Variants in RAPGEF1 observed in about 807,000 individuals in gnomAD.
The protein encoded by RAPGEF1 is Rap guanine nucleotide exchange factor 1.
In RAPGEF1, 33 loss-of-function variants were observed where a neutral mutation model predicts 143.3. The ratio of observed to expected loss-of-function variants is 0.23; its 90% CI spans 0.17 to 0.31. RAPGEF1 has a LOEUF of 0.31. Among genes scored for constraint, RAPGEF1 ranks in the 10% least tolerant of loss-of-function variants. RAPGEF1 has a pLI of 1.00. For synonymous variants in RAPGEF1, 629 were observed against 676.5 expected, an observed-to-expected ratio of 0.93 and a Z score of 1.09; for missense variants, 1,199 against 1,645.4, an observed-to-expected ratio of 0.73 and a Z score of 4.69.
At chr9:131,709,919 C>T (rs1835386999) in intron 1 of RAPGEF1, 8 of 985,430 alleles carry the variant, frequency 8.1e-6, no homozygotes, top group East Asian at 1.1e-4. Context: ...GGCTTGTTAT[C>T]GCCCTACCGG....
chr9:131,701,575 A>G (rs1045313323), intron 1 of RAPGEF1, among the ~76,000 whole-genome samples: 2 of 152,250 alleles, frequency 1.3e-5, no homozygotes, highest in Non-Finnish European at 2.9e-5. Flanking sequence ...TCATTGTTAC[A>G]TATATTATTG....
intron 12 of RAPGEF1, among the ~76,000 whole-genome samples, chr9:131,608,321 C>T (rs1202409676): frequency 5.3e-5 from 8 of 152,174 alleles, no homozygotes; most frequent in Non-Finnish European, 1.2e-4. Context: ...CAGTAGGGGC[C>T]TAATACATAT....
chr9:131,693,058 G>A (rs1298281807), intron 1 of RAPGEF1, among the ~76,000 whole-genome samples: 1 of 152,166 alleles, frequency 6.6e-6, no homozygotes, highest in Admixed American at 6.5e-5. Flanking sequence ...CACAACAGTA[G>A]TCTCCCTGGT....
In RAPGEF1 at chr9:131,692,398, T is replaced by C. The variant is rs77302366; in HGVS notation, c.62-41449A>G. Among the ~76,000 whole-genome samples, 508 of 152,372 alleles carry C rather than the reference T, an allele frequency of 3.3e-3. 6 individuals carry two copies. The highest frequency in any genetic ancestry group is 0.012 in the African/African-American group (498 of 41,576). ...GGCTGGAACGGATCCAGAATTCTTCTACTTTCCTATTTGGAAACATCTGGC... is the reference window on the plus strand; with the variant it reads ...GGCTGGAACGGATCCAGAATTCTTCCACTTTCCTATTTGGAAACATCTGGC... On this transcript the variant is annotated intron_variant, in intron 1 of 26. Coordinates refer to ENST00000683357, the MANE Select transcript of RAPGEF1 (RefSeq NM_001377935.1).
chr9:131,737,007 T>C (rs1009499292), intron 1 of RAPGEF1, among the ~76,000 whole-genome samples: 1 of 152,130 alleles, frequency 6.6e-6, no homozygotes, highest in Admixed American at 6.5e-5. Flanking sequence ...TCACTGAGAA[T>C]AGCCAGCAGA....
intron 1 of RAPGEF1, among the ~76,000 whole-genome samples, chr9:131,706,220 A>C (rs1408581472): frequency 2.0e-5 from 3 of 151,796 alleles, no homozygotes; most frequent in East Asian, 1.9e-4. Flanking sequence ...AACCACGTTG[A>C]ATGTGGGCTG....
intron 1 of RAPGEF1, among the ~76,000 whole-genome samples, chr9:131,680,778 G>A (rs553266075): frequency 6.6e-6 from 1 of 152,312 alleles, no homozygotes; most frequent in Non-Finnish European, 1.5e-5. Context: ...TCTGAAGACT[G>A]TGAGACCCCT....
At chr9:131,661,183 A>G (rs892457019) in intron 1 of RAPGEF1, among the ~76,000 whole-genome samples, 3 of 152,234 alleles carry the variant, frequency 2.0e-5, no homozygotes, top group African/African-American at 7.2e-5. Context: ...ACCATCAGAC[A>G]TGTACCAGAA....
intron 6 of RAPGEF1, among the ~76,000 whole-genome samples, chr9:131,629,512 C>T (rs772115861): frequency 3.9e-5 from 6 of 152,120 alleles, no homozygotes; most frequent in African/African-American, 1.4e-4. Context: ...TGCTCCAGGC[C>T]GGGCGCAGTG....
chr9:131,584,124 G>A lies in RAPGEF1; in HGVS notation c.3414+187C>T, dbSNP rs1281759282. On this transcript the variant is annotated intron_variant, in intron 24 of 26. Coordinates refer to ENST00000683357, the MANE Select transcript of RAPGEF1 (RefSeq NM_001377935.1). This position sits in a 1 kb window ranked among gnomAD's most constrained non-coding sequence, Gnocchi z 6.8. ...ACCTCGAAGCTCCCGGGGGCCTGAA[G>A]ATTGGGGATCAGAGACAGGAAGGCG... Among the ~76,000 whole-genome samples the A allele has an allele frequency of 6.6e-6, 1 of 152,218 alleles. No homozygotes were observed. The highest frequency in any genetic ancestry group is 2.4e-5 in the African/African-American group (1 of 41,466).
At chr9:131,593,443 G>T (rs1176960918) in intron 17 of RAPGEF1, among the ~76,000 whole-genome samples, 2 of 152,346 alleles carry the variant, frequency 1.3e-5, no homozygotes, top group East Asian at 3.9e-4. Flanking sequence ...GCCCAAGGAG[G>T]CTCCGCAGCT....
chr9:131,589,244 G>A (rs1335890883), intron 19 of RAPGEF1, among the ~76,000 whole-genome samples: 1 of 152,198 alleles, frequency 6.6e-6, no homozygotes, highest in Non-Finnish European at 1.5e-5. Context: ...GACTGTGCTG[G>A]GGCCTGGGCT....
intron 17 of RAPGEF1, among the ~76,000 whole-genome samples, chr9:131,594,747 C>A (rs1460452888): frequency 6.6e-6 from 1 of 152,218 alleles, no homozygotes; most frequent in Non-Finnish European, 1.5e-5. Flanking sequence ...CGGCACGGAG[C>A]GTCCTCTCAG....
intron 1 of RAPGEF1, among the ~76,000 whole-genome samples, chr9:131,714,714 T>A (rs1377825422): frequency 4.0e-5 from 6 of 149,094 alleles, no homozygotes; most frequent in Non-Finnish European, 6.0e-5. Flanking sequence ...CCTTTTTTTT[T>A]TTTTTTTTTT....
At chr9:131,627,829 T>C (rs1306188095) in intron 9 of RAPGEF1, 84 bp downstream of exon 9, 8 of 1,404,438 alleles carry the variant, frequency 5.7e-6, no homozygotes, top group East Asian at 2.5e-5. Flanking sequence ...AATGATTGCA[T>C]GACCTGGGAC....
rs1299590678 is a variant in RAPGEF1 at position 131,602,100 on chromosome 9, C to G, written c.2462G>C (p.Ser821Thr). Residue 821 changes from serine to threonine, a missense_variant, in exon 15 of 27, where the codon AGC becomes ACC. Around this residue, in one of 6 missense-constraint regions of RAPGEF1, gnomAD observed 293 missense variants for 356.2 expected, o/e 0.82. Coordinates refer to ENST00000683357, the MANE Select transcript of RAPGEF1 (RefSeq NM_001377935.1). Reference sequence around the variant, plus strand: ...TCTGCTGTCCTTCCCAGGGACGCCGCTGACCGCTGAGGGATCTCTGGGATG... The same window carrying G: ...TCTGCTGTCCTTCCCAGGGACGCCGGTGACCGCTGAGGGATCTCTGGGATG... ...DGHPRDPSAV[S>T]GVPGKDSRDG... The G allele has an allele frequency of 1.9e-6, 3 of 1,604,548 alleles. No homozygotes were observed. Among genetic ancestry groups the G allele is most frequent in the East Asian group, 2.3e-5 (1 of 44,328 alleles).
intron 15 of RAPGEF1, among the ~76,000 whole-genome samples, chr9:131,601,717 GC>G (rs1956303462): frequency 6.6e-6 from 1 of 152,052 alleles, no homozygotes; most frequent in Non-Finnish European, 1.5e-5. Context: ...ACCATCCTAG[GC>G]AACATAGCGA....
chr9:131,732,943 T>C (rs1181878385), intron 1 of RAPGEF1, among the ~76,000 whole-genome samples: 2 of 152,216 alleles, frequency 1.3e-5, no homozygotes, highest in African/African-American at 4.8e-5. Flanking sequence ...GGCTTTGATT[T>C]TGAATGAGTG....
intron 17 of RAPGEF1, among the ~76,000 whole-genome samples, chr9:131,593,699 G>A (rs1021121316): frequency 1.3e-5 from 2 of 152,234 alleles, no homozygotes; most frequent in Non-Finnish European, 2.9e-5. Flanking sequence ...GTGGGGTGGG[G>A]CTGGCAGGTG....
Sources: allele counts gnomAD v4.1 joint callset (sites outside exome capture counted in the v4.1 genomes callset), GRCh38; gene constraint gnomAD v4.1.1; regional missense constraint gnomAD v4.1.1; non-coding constraint Gnocchi (gnomAD v3.1); transcripts MANE v1.5; gene names NCBI Gene and HGNC (gene_info 2026-07-23, HGNC 2026-07-21).